Variants in MYCBP2 observed in about 807,000 individuals in gnomAD.
MYCBP2 encodes MYC binding protein 2, also known as E3 ubiquitin-protein ligase MYCBP2.
A neutral mutation model predicts 525.3 loss-of-function variants in MYCBP2; 120 were observed. That is an observed-to-expected ratio of 0.23 (90% CI 0.20 to 0.27). MYCBP2 has a LOEUF of 0.27. Among genes scored for constraint, MYCBP2 ranks in the 10% least tolerant of loss-of-function variants. MYCBP2 has a pLI of 1.00. For synonymous variants in MYCBP2, 1,894 were observed against 1,955.8 expected (o/e 0.97, Z 0.83); for missense variants, 4,149 against 5,657.1 (o/e 0.73, Z 8.55).
At chr13:77,132,387 C>T (rs1347854785) in intron 52 of MYCBP2, among the ~76,000 whole-genome samples, 1 of 152,082 alleles carries the variant, frequency 6.6e-6, no homozygotes, top group Non-Finnish European at 1.5e-5. Flanking sequence ...TATCAATTAA[C>T]CCAGGTGAAG....
At chr13:77,135,982 T>G (rs908725736) in intron 52 of MYCBP2, among the ~76,000 whole-genome samples, 2 of 152,002 alleles carry the variant, frequency 1.3e-5, no homozygotes, top group Admixed American at 1.3e-4. Context: ...ACTATAGGCG[T>G]CCACCACCAC....
In MYCBP2 at chr13:77,150,913, T is replaced by C; in HGVS notation, c.6952A>G (p.Met2318Val). ...TTTGCTTGATCTTGTTGTAAAGACA[T>C]TTTTTTCTGAGAAACAGGGACAGCT... Reference protein sequence around the residue: ...VKAVPVSQKKMSLQQDQAKKP... With the variant: ...VKAVPVSQKKVSLQQDQAKKP... Residue 2318 changes from methionine (M) to valine (V), a missense_variant, in exon 47 of 83, where the codon ATG becomes GTG. By Grantham distance (21) the Met-to-Val change is conservative (BLOSUM62 1). This residue lies in a region of MYCBP2 where 692 missense variants were observed against 852.7 expected (regional missense o/e 0.81). Transcript: ENST00000544440. 6.2e-7 allele frequency: 1 copy of C among 1,613,874 alleles called. No individual in the cohort carries two copies.
intron 1 of MYCBP2, among the ~76,000 whole-genome samples, chr13:77,306,220 T>G (rs1055153227): frequency 1.3e-5 from 2 of 152,236 alleles, no homozygotes; most frequent in African/African-American, 4.8e-5. Context: ...AAGCACCTTA[T>G]GTAAACTGAA....
At position 77,077,246 on chromosome 13, in the gene MYCBP2, C is replaced by T. The variant is rs1325621546; in HGVS notation, c.11626G>A (p.Glu3876Lys). The change falls in exon 67 of 83, where the codon GAA becomes AAA. Residue 3876 changes from glutamate (E) to lysine (K), a missense_variant. Glu to Lys is a moderately conservative substitution (Grantham distance 56). Around this residue, in one of 21 missense-constraint regions of MYCBP2, gnomAD observed 509 missense variants for 789.4 expected, o/e 0.64. Coordinates refer to ENST00000544440, the MANE Select transcript of MYCBP2 (RefSeq NM_015057.5). ...QVKVLGWKDG[E>K]STKIAGQISA... Reference sequence around the variant, plus strand: ...ATCTGGCCAGCTATTTTTGTGCTTTCACCATCTTTCCAGCCCAGGACTTTG... The same window carrying T: ...ATCTGGCCAGCTATTTTTGTGCTTTTACCATCTTTCCAGCCCAGGACTTTG... The T allele has an allele frequency of 6.2e-7, 1 of 1,614,026 alleles. No individual in the cohort carries two copies.
rs578189199 is a variant in MYCBP2, at chr13:77,181,822, G to T, written c.4820C>A (p.Pro1607Gln). Residue 1607 changes from proline to glutamine, a missense_variant, in exon 33 of 83, where the codon CCG (proline) becomes CAG (glutamine). Coordinates refer to ENST00000544440, the MANE Select transcript of MYCBP2 (RefSeq NM_015057.5). The part of the protein sequence containing the change: ...HTSVKLTSIF[P>Q]IAYDGEVLLR... ...TAATACTTCTCCATCATACGCAATC[G>T]GGAAGATGGAAGTCAGCTTAACAGA... 1.2e-6 allele frequency: 2 copies of T among 1,613,972 alleles called. No homozygotes were observed. Among genetic ancestry groups the T allele is most frequent in the Non-Finnish European group, 1.7e-6 (2 of 1,179,944 alleles).
chr13:77,197,747 C>T (rs1259958863), intron 26 of MYCBP2, among the ~76,000 whole-genome samples: 1 of 151,418 alleles, frequency 6.6e-6, no homozygotes, highest in Non-Finnish European at 1.5e-5. Context: ...CAAAAAAATA[C>T]AGAAGGGCTT....
At chr13:77,259,259 C>T (rs1156759808) in intron 13 of MYCBP2, among the ~76,000 whole-genome samples, 1 of 151,366 alleles carries the variant, frequency 6.6e-6, no homozygotes, top group South Asian at 2.1e-4. Flanking sequence ...AGTGAGACTC[C>T]CTCTCAAAAA....
rs902980304 is a variant in MYCBP2, at chr13:77,051,584, T to A, written c.13755+227A>T. Among the ~76,000 whole-genome samples, 3 of 152,130 alleles carry A rather than the reference T, an allele frequency of 2.0e-5. No individual in the cohort carries two copies. In the South Asian group the frequency reaches 6.2e-4, roughly 31 times the overall value. ...TAAGAAAATAAGAAAATTTATTACA[T>A]TGTTTAACTATGGTGATCATTTCAT... On this transcript the variant is annotated intron_variant, in intron 81 of 82. Transcript: ENST00000544440.
chr13:77,060,291 A>G (rs746178022), intron 76 of MYCBP2, among the ~76,000 whole-genome samples: 2 of 152,234 alleles, frequency 1.3e-5, no homozygotes, highest in African/African-American at 2.4e-5. Context: ...TTACAGAAAA[A>G]TCTATTTAAA....
chr13:77,130,660 T>C (rs71434860), intron 52 of MYCBP2, among the ~76,000 whole-genome samples: 1 of 152,136 alleles, frequency 6.6e-6, no homozygotes, highest in South Asian at 2.1e-4. Flanking sequence ...TGCTATGTTT[T>C]AGGGGAAAAA....
intron 52 of MYCBP2, among the ~76,000 whole-genome samples, chr13:77,127,886 A>G (rs975425599): frequency 2.6e-5 from 4 of 151,892 alleles, no homozygotes; most frequent in African/African-American, 9.7e-5. Context: ...TATTTTGTGA[A>G]TCTCACTATA....
intron 18 of MYCBP2, among the ~76,000 whole-genome samples, chr13:77,232,568 T>C (rs1262862382): frequency 2.0e-5 from 3 of 152,314 alleles, no homozygotes; most frequent in African/African-American, 4.8e-5. Flanking sequence ...CAGACTAGGA[T>C]AGCCCTCTGA....
intron 47 of MYCBP2, among the ~76,000 whole-genome samples, chr13:77,150,198 T>C (rs1431011543): frequency 2.0e-5 from 3 of 152,180 alleles, no homozygotes; most frequent in Non-Finnish European, 4.4e-5. Flanking sequence ...ATCTGGCATT[T>C]GAGAGAACCC....
intron 62 of MYCBP2, among the ~76,000 whole-genome samples, chr13:77,085,524 A>T (rs2044096666): frequency 6.6e-6 from 1 of 152,198 alleles, no homozygotes; most frequent in African/African-American, 2.4e-5. Context: ...TTATGGTACT[A>T]TACACAAAAC....
chr13:77,191,909 CT>C, intron 27 of MYCBP2, 96 bp from the exon 28 acceptor site: 1 of 1,163,958 alleles, frequency 8.6e-7, no homozygotes, highest in Non-Finnish European at 1.2e-6. Context: ...AAACATGAAA[CT>C]AACTGTATTA....
intron 49 of MYCBP2, among the ~76,000 whole-genome samples, chr13:77,142,134 A>T (rs1365789787): frequency 1.3e-5 from 2 of 152,208 alleles, no homozygotes; most frequent in Non-Finnish European, 1.5e-5. Context: ...TTTAGAGAAA[A>T]GAAAATTTTC....
chr13:77,126,580 C>G, intron 52 of MYCBP2, 38 bp from the exon 53 acceptor site: 1 of 1,504,270 alleles, frequency 6.6e-7, no homozygotes, highest in Non-Finnish European at 9.1e-7. Context: ...AAACAAAATA[C>G]AATCTATTAT....
At chr13:77,268,773 A>T (rs1263528360) in intron 7 of MYCBP2, among the ~76,000 whole-genome samples, 1 of 151,302 alleles carries the variant, frequency 6.6e-6, no homozygotes, top group Non-Finnish European at 1.5e-5. Flanking sequence ...GAGCAAAACT[A>T]CAACTCCAAA....
At chr13:77,049,743 C>G (rs2036355639) in intron 82 of MYCBP2, among the ~76,000 whole-genome samples, 1 of 152,024 alleles carries the variant, frequency 6.6e-6, no homozygotes, top group Admixed American at 6.5e-5. Context: ...TCAAGTGATT[C>G]TCTGGCCTCA....
Sources: gnomAD v4.1 joint callset for allele counts (sites outside exome capture counted in the v4.1 genomes callset) on GRCh38, gnomAD v4.1.1 for gene constraint, gnomAD v4.1.1 regional missense constraint, MANE v1.5 for transcripts, NCBI Gene and HGNC (gene_info 2026-07-23, HGNC 2026-07-21) for gene names.